The following ZMAT4 variants were observed in gnomAD, a reference collection of about 807,000 sequenced individuals.
ZMAT4 encodes the protein zinc finger matrin-type 4.
Under a neutral mutation model 28.7 loss-of-function variants are expected in ZMAT4, and 17 were observed. The observed-to-expected ratio is 0.59, with a 90% confidence interval of 0.41 to 0.89. The LOEUF (loss-of-function observed/expected upper bound fraction) is 0.89. Among genes scored for constraint, ZMAT4 ranks in the 40% least tolerant of loss-of-function variants. The probability of loss-of-function intolerance (pLI) is 0.00; values close to 1 mark genes in which losing one functional copy is unlikely to be tolerated. For synonymous variants in ZMAT4, 117 were observed against 109.2 expected, an observed-to-expected ratio of 1.07 and a Z score of -0.44; for missense variants, 240 against 283.8, an observed-to-expected ratio of 0.85 and a Z score of 1.11.
intron 3 of ZMAT4, among the ~76,000 whole-genome samples, chr8:40,700,503 G>C (rs1290150792): frequency 2.0e-5 from 3 of 148,160 alleles, no homozygotes; most frequent in Non-Finnish European, 3.0e-5. Flanking sequence ...TTATAGCCTG[G>C]AACTCCTTAG....
intron 6 of ZMAT4, among the ~76,000 whole-genome samples, chr8:40,561,607 C>A (rs551356585): frequency 1.3e-5 from 2 of 152,244 alleles, no homozygotes; most frequent in East Asian, 3.9e-4. Flanking sequence ...AACAGTCTGT[C>A]TTCCAGGCTC....
chr8:40,771,919 C>T (rs1813404450), intron 2 of ZMAT4, among the ~76,000 whole-genome samples: 1 of 152,098 alleles, frequency 6.6e-6, no homozygotes, highest in South Asian at 2.1e-4. Flanking sequence ...ATTTCCACTG[C>T]TTTTAAGAGT....
chr8:40,654,826 A>C (rs181449087), intron 5 of ZMAT4, among the ~76,000 whole-genome samples: 1 of 151,960 alleles, frequency 6.6e-6, no homozygotes, highest in African/African-American at 2.4e-5. Context: ...TTAAGAAAAA[A>C]TCCACAGCTG....
chr8:40,714,151 A>G (rs1298768229), intron 3 of ZMAT4, among the ~76,000 whole-genome samples: 1 of 152,120 alleles, frequency 6.6e-6, no homozygotes, highest in African/African-American at 2.4e-5. Flanking sequence ...TGCTTAGAGA[A>G]ACAGTCTTTT....
chr8:40,569,056 C>T (rs1036856981), intron 6 of ZMAT4, among the ~76,000 whole-genome samples: 4 of 152,144 alleles, frequency 2.6e-5, no homozygotes, highest in African/African-American at 4.8e-5. Flanking sequence ...CAGTACTCAA[C>T]GGATTTTGAT....
chr8:40,786,738 C>T, intron 2 of ZMAT4: 1 of 1,289,242 alleles, frequency 7.8e-7, no homozygotes, highest in South Asian at 1.2e-5. Flanking sequence ...CTTCTTTTGG[C>T]TTAGTATGTC....
At chr8:40,733,573 C>CTATTACAAG (rs1292792352) in intron 3 of ZMAT4, among the ~76,000 whole-genome samples, 2 of 151,508 alleles carry the variant, frequency 1.3e-5, no homozygotes, top group African/African-American at 4.9e-5. Context: ...CAGTCATAGC[C>CTATTACAAG]TATTACAAGT....
At chr8:40,817,605 A>G (rs1815594065) in intron 2 of ZMAT4, among the ~76,000 whole-genome samples, 1 of 152,124 alleles carries the variant, frequency 6.6e-6, no homozygotes, top group Admixed American at 6.5e-5. Flanking sequence ...GAGAAATGTC[A>G]CTGTTATCGT....
At chr8:40,783,301 C>T (rs1385254802) in intron 2 of ZMAT4, among the ~76,000 whole-genome samples, 1 of 152,122 alleles carries the variant, frequency 6.6e-6, no homozygotes, top group Admixed American at 6.5e-5. Context: ...AAGTCAGAAA[C>T]AAGGGGCACA....
At chr8:40,536,911 A>C (rs1044653460) in intron 6 of ZMAT4, among the ~76,000 whole-genome samples, 1 of 152,096 alleles carries the variant, frequency 6.6e-6, no homozygotes, top group East Asian at 1.9e-4. Flanking sequence ...GGAGAAAAAA[A>C]AAAAGAGAAG....
At chr8:40,837,877 C>T (rs185128159) in intron 1 of ZMAT4, among the ~76,000 whole-genome samples, 102 of 152,308 alleles carry the variant, frequency 6.7e-4, no homozygotes, top group African/African-American at 2.3e-3. Context: ...CCAGTGGCAC[C>T]TGCCAAGAAG....
chr8:40,569,472 C>A (rs1013463593), intron 6 of ZMAT4, among the ~76,000 whole-genome samples: 35 of 152,150 alleles, frequency 2.3e-4, no homozygotes, highest in African/African-American at 7.7e-4. Flanking sequence ...TGAGAAGGCA[C>A]TACACTAACT....
chr8:40,732,916 G>A (rs1811605964), intron 3 of ZMAT4, among the ~76,000 whole-genome samples: 3 of 131,400 alleles, frequency 2.3e-5, no homozygotes. Flanking sequence ...CATGATCATA[G>A]CTTACTGCAT....
At chr8:40,862,829 G>A (rs1817553117) in intron 1 of ZMAT4, among the ~76,000 whole-genome samples, 1 of 151,810 alleles carries the variant, frequency 6.6e-6, no homozygotes, top group Non-Finnish European at 1.5e-5. Context: ...CATGCGGTGG[G>A]GGGAGGGGGA....
intron 5 of ZMAT4, among the ~76,000 whole-genome samples, chr8:40,669,738 A>T (rs1808590962): frequency 1.3e-5 from 2 of 152,170 alleles, no homozygotes; most frequent in African/African-American, 4.8e-5. Context: ...ATTAGTAGTT[A>T]AGTTTTTGAG....
At chr8:40,814,021 G>A (rs1815434339) in intron 2 of ZMAT4, among the ~76,000 whole-genome samples, 1 of 152,206 alleles carries the variant, frequency 6.6e-6, no homozygotes, top group East Asian at 1.9e-4. Flanking sequence ...GGGACGGGGT[G>A]GAGAGGAGTC....
Position 40,817,959 on chromosome 8 carries a change from A to T in ZMAT4, c.102+7616T>A, listed in dbSNP as rs1330016023. 2.0e-5 allele frequency among the ~76,000 whole-genome samples: 3 copies of T among 152,240 alleles called. No homozygotes were observed. In the East Asian group the frequency reaches 5.8e-4, roughly 29 times the overall value. On this transcript the variant is annotated intron_variant, in intron 2 of 6. Coordinates refer to ENST00000297737, the MANE Select transcript of ZMAT4 (RefSeq NM_024645.3). ...TAGGTGGGCTATGTGACTGAGTGCTAGCCAATGGGATATGGTCTGACTCCT... is the reference window on the plus strand; with the variant it reads ...TAGGTGGGCTATGTGACTGAGTGCTTGCCAATGGGATATGGTCTGACTCCT...
chr8:40,594,812 C>T (rs1805034119), intron 5 of ZMAT4, among the ~76,000 whole-genome samples: 1 of 152,128 alleles, frequency 6.6e-6, no homozygotes, highest in Admixed American at 6.5e-5. Context: ...CTATTTATAC[C>T]CATCTTTTTT....
At chr8:40,889,382 C>G (rs944758241) in intron 1 of ZMAT4, among the ~76,000 whole-genome samples, 4 of 152,174 alleles carry the variant, frequency 2.6e-5, no homozygotes, top group Non-Finnish European at 5.9e-5. Context: ...TCGCACCCAG[C>G]TTTGCTACAT....
Sources: gnomAD v4.1 joint callset for allele counts (sites outside exome capture counted in the v4.1 genomes callset) on GRCh38, gnomAD v4.1.1 for gene constraint, MANE v1.5 for transcripts, NCBI Gene and HGNC (gene_info 2026-07-23, HGNC 2026-07-21) for gene names.